Variants in TRERF1 observed in about 807,000 individuals in gnomAD.
The protein encoded by TRERF1 is transcriptional regulating factor 1, also known as transcriptional-regulating factor 1.
A neutral mutation model predicts 122.9 loss-of-function variants in TRERF1; 27 were observed. The observed-to-expected ratio is 0.22, with a 90% confidence interval of 0.16 to 0.30. The LOEUF (loss-of-function observed/expected upper bound fraction) is 0.30, where lower values mean the gene tolerates loss of function less well. Among genes scored for constraint, TRERF1 ranks in the 10% least tolerant of loss-of-function variants. The pLI, the probability that TRERF1 is intolerant of heterozygous loss-of-function variation, is 1.00. For missense variants in TRERF1, 1,248 were observed against 1,560.3 expected (o/e 0.80, Z 3.37); for synonymous variants, 636 against 641.7 (o/e 0.99, Z 0.13).
At chr6:42,287,672 G>A (rs1298674629) in intron 4 of TRERF1, among the ~76,000 whole-genome samples, 1 of 152,078 alleles carries the variant, frequency 6.6e-6, no homozygotes, top group East Asian at 1.9e-4. Context: ...TGGGACCCCA[G>A]GGGCCCACCA....
chr6:42,303,016 G>A (rs190161098), intron 3 of TRERF1, among the ~76,000 whole-genome samples: 151 of 152,320 alleles, frequency 9.9e-4, no homozygotes, highest in African/African-American at 2.6e-3. Flanking sequence ...CTTCAAAGAG[G>A]CTCAAGAGAA....
At chr6:42,310,662 C>T (rs971107168) in intron 3 of TRERF1, among the ~76,000 whole-genome samples, 28 of 152,244 alleles carry the variant, frequency 1.8e-4, no homozygotes, top group Admixed American at 1.6e-3. Flanking sequence ...TAGGAGAAAC[C>T]CTGCTCTAGT....
chr6:42,258,152 C>G, exon 10 of TRERF1: 3 of 1,614,190 alleles, frequency 1.9e-6, no homozygotes, highest in Non-Finnish European at 2.5e-6. Flanking sequence ...CATCTACAGT[C>G]TGCTCTCCAG....
At chr6:42,352,079 C>T (rs923436060) in intron 3 of TRERF1, among the ~76,000 whole-genome samples, 1 of 152,086 alleles carries the variant, frequency 6.6e-6, no homozygotes, top group Non-Finnish European at 1.5e-5. Context: ...ATCATGGCTC[C>T]CTGAAGCCTC....
At chr6:42,381,329 C>T (rs1031279117) in intron 2 of TRERF1, among the ~76,000 whole-genome samples, 4 of 147,332 alleles carry the variant, frequency 2.7e-5, no homozygotes, top group South Asian at 2.2e-4. Context: ...TAAAACAAGG[C>T]GCTGGTTGAA....
chr6:42,443,678 G>A (rs184515726), intron 2 of TRERF1, among the ~76,000 whole-genome samples: 5 of 152,296 alleles, frequency 3.3e-5, no homozygotes, highest in African/African-American at 1.2e-4. Context: ...TGTATTGACT[G>A]GCACTGCCCA....
chr6:42,323,487 G>A (rs1190854487), intron 3 of TRERF1, among the ~76,000 whole-genome samples: 6 of 152,078 alleles, frequency 3.9e-5, no homozygotes, highest in African/African-American at 9.7e-5. Flanking sequence ...GTGAGCCACC[G>A]CGCCTGGCCT....
intron 2 of TRERF1, among the ~76,000 whole-genome samples, chr6:42,427,868 TA>T (rs553002598): frequency 2.8e-4 from 42 of 149,150 alleles, no homozygotes; most frequent in Admixed American, 1.5e-3. Context: ...TTAATATATA[TA>T]AAAAAAAAAT....
rs116263265 is a variant in TRERF1 at position 42,293,785 on chromosome 6, A to G, written c.-259+6853T>C. ...TGTGTATTCAGGAAATGCAAACCCA[A>G]TATAAAGATAACCCGGACCAAACAG... On this transcript the variant is annotated intron_variant, in intron 4 of 17. Transcript: ENST00000372922. Among the ~76,000 whole-genome samples the G allele has an allele frequency of 3.3e-3, 422 of 129,190 alleles. 1 individual carries two copies. The highest frequency in any genetic ancestry group is 0.012 in the African/African-American group (406 of 34,196). 84.8% of individuals were successfully genotyped at this position (129,190 alleles called of 152,430 possible). A position where few individuals can be genotyped will look rare whatever the true frequency, so the allele number is the denominator to read the frequency against.
At chr6:42,381,827 G>A (rs964965401) in intron 2 of TRERF1, among the ~76,000 whole-genome samples, 1 of 148,678 alleles carries the variant, frequency 6.7e-6, no homozygotes, top group African/African-American at 2.5e-5. Context: ...AGGGCTCAGG[G>A]AGGCCATCAG....
At position 42,366,479 on chromosome 6, in the gene TRERF1, C is replaced by T. The variant is rs114409287; in HGVS notation, c.-453-3400G>A. On this transcript the variant is annotated intron_variant, in intron 2 of 17. Transcript: ENST00000372922. The stretch of plus-strand genomic sequence containing the variant: ...AGAGTCCGGCACCTCCTAACATCCA[C>T]TCTAACGGGGAGGAGGATGGCTGGG... 2.8e-3 allele frequency among the ~76,000 whole-genome samples: 430 copies of T among 152,316 alleles called. 2 individuals are homozygous for T. Among genetic ancestry groups the T allele is most frequent in the African/African-American group, 9.9e-3 (412 of 41,564 alleles).
chr6:42,367,772 G>T (rs2151006089), intron 2 of TRERF1, among the ~76,000 whole-genome samples: 1 of 152,258 alleles, frequency 6.6e-6, no homozygotes, highest in African/African-American at 2.4e-5. Context: ...GCTGGCAGGG[G>T]CCTGGTGACT....
At chr6:42,246,831 A>G (rs1203264949) in intron 13 of TRERF1, among the ~76,000 whole-genome samples, 4 of 152,214 alleles carry the variant, frequency 2.6e-5, no homozygotes, top group African/African-American at 4.8e-5. Context: ...GATTTTTGTG[A>G]AGGTTAAAGA....
intron 16 of TRERF1, among the ~76,000 whole-genome samples, chr6:42,233,462 G>C (rs111979521): frequency 6.6e-6 from 1 of 150,854 alleles, no homozygotes; most frequent in Non-Finnish European, 1.5e-5. Flanking sequence ...ATTTTTTGTA[G>C]TTTTAGTAGA....
chr6:42,443,584 G>A (rs1382385577), intron 2 of TRERF1, among the ~76,000 whole-genome samples: 1 of 152,214 alleles, frequency 6.6e-6, no homozygotes, highest in Non-Finnish European at 1.5e-5. Context: ...CAGTTCACAG[G>A]ATTCTTTGTG....
At chr6:42,236,720 C>T (rs935188596) in intron 15 of TRERF1, among the ~76,000 whole-genome samples, 6 of 152,164 alleles carry the variant, frequency 3.9e-5, no homozygotes, top group Non-Finnish European at 7.4e-5. Context: ...CCACCTTGTT[C>T]GAGACTATCA....
intron 13 of TRERF1, 102 bp downstream of exon 13, chr6:42,254,749 A>G: frequency 9.2e-7 from 1 of 1,083,096 alleles, no homozygotes; most frequent in Non-Finnish European, 1.4e-6. Flanking sequence ...AGTGGTGATT[A>G]GGACAGAACC....
At chr6:42,238,236 A>G (rs1772734646) in intron 15 of TRERF1, among the ~76,000 whole-genome samples, 1 of 152,202 alleles carries the variant, frequency 6.6e-6, no homozygotes, top group South Asian at 2.1e-4. Context: ...ACAGATGACA[A>G]TGCCATTTGT....
intron 2 of TRERF1, among the ~76,000 whole-genome samples, chr6:42,419,382 G>A (rs1782426212): frequency 6.6e-6 from 1 of 151,616 alleles, no homozygotes; most frequent in Admixed American, 6.6e-5. Context: ...GCTCGATTCT[G>A]AAATCAGGCA....
Sources: gnomAD v4.1 joint callset for allele counts (sites outside exome capture counted in the v4.1 genomes callset) on GRCh38, gnomAD v4.1.1 for gene constraint, MANE v1.5 for transcripts, NCBI Gene and HGNC (gene_info 2026-07-23, HGNC 2026-07-21) for gene names.